The following CACNA2D3 variants were observed in gnomAD, a reference collection of about 807,000 sequenced individuals.
CACNA2D3 encodes the protein voltage-dependent calcium channel subunit alpha-2/delta-3.
CACNA2D3 carries 60 observed loss-of-function variants against 160.6 expected under a neutral mutation model. The observed-to-expected ratio is 0.37, with a 90% CI of 0.30 to 0.46. The LOEUF is 0.46. Ranked by LOEUF, CACNA2D3 falls within the 20% of genes least tolerant of loss-of-function variation. The pLI, the probability that CACNA2D3 is intolerant of heterozygous loss-of-function variation, is 1.00. For missense variants in CACNA2D3, 1,205 were observed against 1,365.0 expected (o/e 0.88, Z 1.85); for synonymous variants, 558 against 492.9 (o/e 1.13, Z -1.75).
At chr3:55,012,923 C>T (rs1703241464) in intron 34 of CACNA2D3, among the ~76,000 whole-genome samples, 2 of 152,082 alleles carry the variant, frequency 1.3e-5, no homozygotes, top group African/African-American at 2.4e-5. Flanking sequence ...ACCCCCACCC[C>T]AGCTGGACCA....
chr3:54,584,141 A>G (rs548038351), intron 9 of CACNA2D3, among the ~76,000 whole-genome samples: 2 of 152,298 alleles, frequency 1.3e-5, no homozygotes, highest in East Asian at 3.9e-4. Context: ...AGAGTCTCAT[A>G]ATATAAAATC....
intron 2 of CACNA2D3, among the ~76,000 whole-genome samples, chr3:54,269,057 G>A (rs1013616491): frequency 1.3e-5 from 2 of 152,120 alleles, no homozygotes; most frequent in African/African-American, 4.8e-5. Context: ...GCTTGGTTTG[G>A]TTCTTTGCTT....
intron 13 of CACNA2D3, among the ~76,000 whole-genome samples, chr3:54,780,154 A>G (rs1303446692): frequency 6.6e-6 from 1 of 152,262 alleles, no homozygotes. Flanking sequence ...GGATGGTGGT[A>G]CTAAGAGAGA....
At chr3:54,969,651 G>A (rs1702228792) in intron 28 of CACNA2D3, 149 bp from the exon 29 acceptor site, 3 of 624,674 alleles carry the variant, frequency 4.8e-6, no homozygotes, top group Non-Finnish European at 8.8e-6. Context: ...ACACATCATG[G>A]AGCATTCCTT....
chr3:54,277,456 C>T (rs1290010537), intron 2 of CACNA2D3, among the ~76,000 whole-genome samples: 2 of 152,112 alleles, frequency 1.3e-5, no homozygotes, highest in African/African-American at 4.8e-5. Flanking sequence ...GGCATTATTT[C>T]TGAGGCCTCC....
At position 54,599,820 on chromosome 3, in the gene CACNA2D3, C is replaced by G. The variant is rs1520570; in HGVS notation, c.963+17943C>G. On this transcript the variant is annotated intron_variant, in intron 9 of 37. Coordinates refer to ENST00000474759, the MANE Select transcript of CACNA2D3 (RefSeq NM_018398.3). ...TAGTGCCGCGTGGCTTCACTCTGCT[C>G]GTTCCTTAGGTCTGGGTCTCAGTGC... is the stretch of plus-strand genomic sequence containing the variant. Among the ~76,000 whole-genome samples the G allele has an allele frequency of 9.4e-3, 1,438 of 152,280 alleles. 24 individuals are homozygous for G. The highest frequency in any genetic ancestry group is 0.032 in the African/African-American group (1,345 of 41,552).
intron 4 of CACNA2D3, among the ~76,000 whole-genome samples, chr3:54,452,718 A>G (rs1362627186): frequency 1.3e-5 from 2 of 152,178 alleles, no homozygotes; most frequent in Admixed American, 1.3e-4. Context: ...GTGGCTTAAA[A>G]CAACAGGAAT....
intron 5 of CACNA2D3, among the ~76,000 whole-genome samples, chr3:54,522,104 A>G (rs1309754943): frequency 6.6e-6 from 1 of 152,168 alleles, no homozygotes; most frequent in Non-Finnish European, 1.5e-5. Context: ...ACAGAGATTG[A>G]ACTGGATCTG....
intron 2 of CACNA2D3, among the ~76,000 whole-genome samples, chr3:54,203,344 G>T (rs2107351726): frequency 6.6e-6 from 1 of 152,296 alleles, no homozygotes; most frequent in South Asian, 2.1e-4. Flanking sequence ...CAGGCTGTGG[G>T]GCTCTGACTC....
At chr3:54,454,631 A>C (rs916332452) in intron 4 of CACNA2D3, among the ~76,000 whole-genome samples, 3 of 152,134 alleles carry the variant, frequency 2.0e-5, no homozygotes, top group Non-Finnish European at 4.4e-5. Flanking sequence ...TCTTCCAGCT[A>C]TTTAAAAATA....
chr3:54,585,789 T>A (rs950780317), intron 9 of CACNA2D3, among the ~76,000 whole-genome samples: 3 of 152,162 alleles, frequency 2.0e-5, no homozygotes, highest in African/African-American at 7.2e-5. Context: ...GTCCCTCCAA[T>A]GACACATGGG....
At chr3:54,980,393 T>C (rs925402220) in intron 29 of CACNA2D3, among the ~76,000 whole-genome samples, 2 of 152,114 alleles carry the variant, frequency 1.3e-5, no homozygotes, top group Admixed American at 1.3e-4. Flanking sequence ...TTACCATTAA[T>C]TTTTTTACAA....
intron 11 of CACNA2D3, among the ~76,000 whole-genome samples, chr3:54,736,542 G>A (rs1047327980): frequency 2.6e-5 from 4 of 152,092 alleles, no homozygotes; most frequent in African/African-American, 9.7e-5. Context: ...TCCACCAGCC[G>A]AAAGGATATT....
At chr3:54,285,464 A>G (rs1347035146) in intron 2 of CACNA2D3, among the ~76,000 whole-genome samples, 1 of 152,224 alleles carries the variant, frequency 6.6e-6, no homozygotes, top group Non-Finnish European at 1.5e-5. Context: ...ACCACAGCTC[A>G]AGGAGGCCTG....
chr3:54,299,338 G>T lies in CACNA2D3; in HGVS notation c.205-21104G>T, dbSNP rs950275416. Among the ~76,000 whole-genome samples the T allele has an allele frequency of 5.3e-5, 8 of 152,280 alleles. 1 individual carries two copies. Among genetic ancestry groups the T allele is most frequent in the African/African-American group, 1.7e-4 (7 of 41,556 alleles). ...CCGTGGCACTGCAGCTCCTCAGAGAGTCCCAGTCCCGCTCCGCTAGCCTAG... is the reference window on the plus strand; with the variant it reads ...CCGTGGCACTGCAGCTCCTCAGAGATTCCCAGTCCCGCTCCGCTAGCCTAG... On this transcript the variant is annotated intron_variant, in intron 2 of 37. Transcript: ENST00000474759.
At chr3:54,242,291 C>T (rs137917511) in intron 2 of CACNA2D3, among the ~76,000 whole-genome samples, 1 of 151,580 alleles carries the variant, frequency 6.6e-6, no homozygotes, top group Non-Finnish European at 1.5e-5. Flanking sequence ...AACAAACAAA[C>T]AAAAAGCCAG....
chr3:54,773,692 A>G lies in CACNA2D3; in HGVS notation c.1380+9341A>G, dbSNP rs371043820. Among the ~76,000 whole-genome samples, 8 of 152,240 alleles carry G rather than the reference A, an allele frequency of 5.3e-5. No individual in the cohort carries two copies. The East Asian group carries it at 5.8e-4, about 11-fold the overall frequency. ...ATTACTGTTATGATTATTTTTTTCC[A>G]GGAGATGTTAAAAATATGAGTGTAT... On this transcript the variant is annotated intron_variant, in intron 13 of 37. Coordinates refer to ENST00000474759, the MANE Select transcript of CACNA2D3 (RefSeq NM_018398.3).
At position 54,965,959 on chromosome 3, in the gene CACNA2D3, T is replaced by C. The variant is rs540734767; in HGVS notation, c.2450-2491T>C. Among the ~76,000 whole-genome samples, 34 of 152,112 alleles carry C rather than the reference T, an allele frequency of 2.2e-4. No homozygotes were observed. The South Asian group carries it at 6.9e-3, about 31-fold the overall frequency. On this transcript the variant is annotated intron_variant, in intron 27 of 37. Transcript: ENST00000474759. ...AGAGAGAAGCAGCCTGCATGATTAA[T>C]GGGATGGAGGGACTGACTCATGAGG... is the stretch of plus-strand genomic sequence containing the variant.
intron 5 of CACNA2D3, among the ~76,000 whole-genome samples, chr3:54,533,963 A>G (rs1701846878): frequency 6.6e-6 from 1 of 152,186 alleles, no homozygotes; most frequent in Admixed American, 6.5e-5. Flanking sequence ...ATGTTTCCAA[A>G]TAAAAACATA....
Sources: allele counts gnomAD v4.1 joint callset (sites outside exome capture counted in the v4.1 genomes callset), GRCh38; gene constraint gnomAD v4.1.1; transcripts MANE v1.5; gene names NCBI Gene and HGNC (gene_info 2026-07-23, HGNC 2026-07-21).